CCDC88B: variants seen among roughly 807,000 people sequenced by gnomAD.
The protein encoded by CCDC88B is coiled-coil domain-containing protein 88B.
In CCDC88B, 138 loss-of-function variants were observed where a neutral mutation model predicts 183.7. The ratio of observed to expected loss-of-function variants is 0.75; its 90% CI spans 0.65 to 0.87. The LOEUF is 0.87. CCDC88B is among the 40% of genes least tolerant of loss of function. The pLI is 0.00. For synonymous variants in CCDC88B, 835 were observed against 867.5 expected, an observed-to-expected ratio of 0.96 and a Z score of 0.66; for missense variants, 1,822 against 1,965.6, an observed-to-expected ratio of 0.93 and a Z score of 1.38.
chr11:64,340,773 G>A (rs1213352505), intron 2 of CCDC88B, 21 bp downstream of exon 2: 6 of 1,593,212 alleles, frequency 3.8e-6, no homozygotes, highest in Non-Finnish European at 5.1e-6. Flanking sequence ...TCGGGCCGGG[G>A]CGGTGGCGGG....
rs1269889448 is a variant in CCDC88B at position 64,345,061 on chromosome 11, G to T, written c.2520G>T (p.Glu840Asp). ...REGSRLRAQS[E>D]AAEERMQVLE... ...GGTCCAGGCTGCGGGCCCAGTCGGA[G>T]GCCGCCGAGGAACGGATGCAGGTGC... Residue 840 changes from glutamate (E) to aspartate (D), a missense_variant, in exon 14 of 27, where the codon GAG (glutamate) becomes GAT (aspartate). By Grantham distance (45) the Glu-to-Asp change is conservative. Transcript: ENST00000356786. 1 of 1,549,866 alleles carries T rather than the reference G, an allele frequency of 6.5e-7. No individual in the cohort carries two copies. Among genetic ancestry groups the T allele is most frequent in the Non-Finnish European group, 8.7e-7 (1 of 1,149,944 alleles).
chr11:64,348,441 G>A (rs1221260070), intron 14 of CCDC88B, among the ~76,000 whole-genome samples: 1 of 152,092 alleles, frequency 6.6e-6, no homozygotes, highest in Non-Finnish European at 1.5e-5. Context: ...GGCTGGGCGG[G>A]AGGTTCTATT....
chr11:64,349,239 C>T (rs992908734), intron 14 of CCDC88B, 92 bp from the exon 15 acceptor site: 75 of 1,438,232 alleles, frequency 5.2e-5, no homozygotes, highest in Non-Finnish European at 6.6e-5. Flanking sequence ...GATGGCAGGT[C>T]AAGGACAGAA....
chr11:64,355,439 C>T (rs1009221722), intron 25 of CCDC88B, 39 bp downstream of exon 25: 6 of 1,583,672 alleles, frequency 3.8e-6, no homozygotes, highest in Non-Finnish European at 5.2e-6. Flanking sequence ...AGCCCCCCAA[C>T]TCTTTGTGGA....
At chr11:64,355,437 A>G in intron 25 of CCDC88B, 37 bp downstream of exon 25, 2 of 1,584,458 alleles carry the variant, frequency 1.3e-6, no homozygotes, top group African/African-American at 2.7e-5. Flanking sequence ...CCAGCCCCCC[A>G]ACTCTTTGTG....
intron 15 of CCDC88B, 39 bp from the exon 16 acceptor site, chr11:64,349,512 G>C: frequency 6.3e-7 from 1 of 1,577,842 alleles, no homozygotes; most frequent in South Asian, 1.1e-5. Context: ...GGTGGGGCGA[G>C]GGTGGGGTGG....
chr11:64,340,564 G>T, intron 1 of CCDC88B, 43 bp from the exon 2 acceptor site: 2 of 1,587,522 alleles, frequency 1.3e-6, no homozygotes, highest in South Asian at 1.1e-5. Context: ...AGGGGCTCAG[G>T]GTTCACTCTG....
At chr11:64,340,452 G>A in intron 1 of CCDC88B, 126 bp downstream of exon 1, 1 of 1,337,358 alleles carries the variant, frequency 7.5e-7, no homozygotes, top group Non-Finnish European at 9.9e-7. Flanking sequence ...TCAAATGTGG[G>A]GGATGGAGAT....
intron 26 of CCDC88B, chr11:64,356,148 C>T (rs2135316440): frequency 6.6e-6 from 1 of 151,936 alleles, no homozygotes; most frequent in East Asian, 2.0e-4. Context: ...CCACGCCAGG[C>T]TAATTTTGTA....
In CCDC88B at chr11:64,353,437, G is replaced by A. The variant is rs1435462836; in HGVS notation, c.3774G>A (p.Glu1258=). ...EVQALSRENR[E]LLERSLESRD... ...AGGCCCTGAGCCGGGAGAACAGGGAGCTCCTGGAGCGCAGCCTGGAGAGTC... is the reference window on the plus strand; with the variant it reads ...AGGCCCTGAGCCGGGAGAACAGGGAACTCCTGGAGCGCAGCCTGGAGAGTC... The change falls in exon 22 of 27, where the codon GAG becomes GAA. Residue 1258 remains glutamate, a synonymous_variant. Transcript: ENST00000356786. 12 of 1,613,022 alleles carry A rather than the reference G, an allele frequency of 7.4e-6. No homozygotes were observed. In the Admixed American group the frequency reaches 1.7e-4, roughly 22 times the overall value.
In CCDC88B at chr11:64,357,275, G is replaced by C; in HGVS notation, c.*181G>C. ...GGGCCCGGAGATGGAGCTGGGACGA[G>C]TGTGTGGACAGGGGGGATGGCTGGC... On this transcript the variant is annotated 3_prime_UTR_variant, in exon 27 of 27. Transcript: ENST00000356786. 1 of 770,868 alleles carries C rather than the reference G, an allele frequency of 1.3e-6. No homozygotes were observed. The highest frequency in any genetic ancestry group is 1.4e-5 in the South Asian group (1 of 69,488). 47.8% of individuals were successfully genotyped at this position (770,868 alleles called of 1,614,324 possible). A position where few individuals can be genotyped will look rare whatever the true frequency, so the allele number is the denominator to read the frequency against.
chr11:64,347,259 A>C (rs12283639), intron 14 of CCDC88B, among the ~76,000 whole-genome samples: 3 of 152,244 alleles, frequency 2.0e-5, no homozygotes, highest in Non-Finnish European at 2.9e-5. Context: ...GGCTTTTGCC[A>C]TGGGGGATTG....
At chr11:64,349,865 A>G (rs2036263505) in intron 16 of CCDC88B, 197 bp downstream of exon 16, 2 of 605,258 alleles carry the variant, frequency 3.3e-6, no homozygotes, top group Admixed American at 2.9e-5. Flanking sequence ...CTGGGGTCTC[A>G]TTTTCCCCAT....
rs2035793547 is a variant in CCDC88B at position 64,340,591 on chromosome 11, T to C, written c.61-16T>C. On this transcript the variant is annotated splice_polypyrimidine_tract_variant and intron_variant, in intron 1 of 26. Coordinates refer to ENST00000356786, the MANE Select transcript of CCDC88B (RefSeq NM_032251.6). Reference sequence around the variant, plus strand: ...TTCACTCTGCTGGTCGGCTGACCCCTCTGGGCTCCTCACAGGCGCTGGGAC... The same window carrying C: ...TTCACTCTGCTGGTCGGCTGACCCCCCTGGGCTCCTCACAGGCGCTGGGAC... 6.2e-7 allele frequency: 1 copy of C among 1,604,112 alleles called. No homozygotes were observed. The highest frequency in any genetic ancestry group is 8.5e-7 in the Non-Finnish European group (1 of 1,177,708).
chr11:64,352,132 C>G lies in CCDC88B; in HGVS notation c.3102C>G (p.Ala1034=). 1 of 1,560,322 alleles carries G rather than the reference C, an allele frequency of 6.4e-7. No individual in the cohort carries two copies. Among genetic ancestry groups the G allele is most frequent in the Non-Finnish European group, 8.7e-7 (1 of 1,148,488 alleles). ...CCTGCTTCCCTCCTCCATCCTAGGCCGAGAAGTCTGTGCTGGAGATTCAGG... is the reference window on the plus strand; with the variant it reads ...CCTGCTTCCCTCCTCCATCCTAGGCGGAGAAGTCTGTGCTGGAGATTCAGG... The part of the protein sequence containing the change: ...RAQEHSSRLQ[A]EKSVLEIQGQ... Residue 1034 remains alanine, a splice_region_variant and synonymous_variant, in exon 19 of 27, where the codon GCC becomes GCG. Coordinates refer to ENST00000356786, the MANE Select transcript of CCDC88B (RefSeq NM_032251.6).
intron 14 of CCDC88B, among the ~76,000 whole-genome samples, chr11:64,347,918 C>T (rs1172144476): frequency 6.6e-6 from 1 of 151,992 alleles, no homozygotes; most frequent in Non-Finnish European, 1.5e-5. Context: ...GGTGTGGTGG[C>T]ACGCACCTGT....
At chr11:64,354,811 C>T (rs1840816007) in intron 24 of CCDC88B, among the ~76,000 whole-genome samples, 1 of 108,438 alleles carries the variant, frequency 9.2e-6, no homozygotes, top group African/African-American at 3.8e-5. Context: ...GCCTCAGCCT[C>T]CCCCCCTCCT....
chr11:64,343,281 C>G lies in CCDC88B; in HGVS notation c.1165C>G (p.Arg389Gly), dbSNP rs1299202654. The stretch of plus-strand genomic sequence containing the variant: ...CTGCGCCCGGCTGCACGAGACCCAG[C>G]GCGAGAACCTGCTGCTGCGAACCCG... The part of the protein sequence containing the change: ...ERCARLHETQ[R>G]ENLLLRTRLG... The change falls in exon 11 of 27, where the codon CGC becomes GGC. Residue 389 changes from arginine (R) to glycine (G), a missense_variant. Arg to Gly is a moderately radical substitution (Grantham distance 125, BLOSUM62 -2). Coordinates refer to ENST00000356786, the MANE Select transcript of CCDC88B (RefSeq NM_032251.6). The G allele has an allele frequency of 6.5e-7, 1 of 1,549,854 alleles. No homozygotes were observed. The highest frequency in any genetic ancestry group is 1.4e-5 in the African/African-American group (1 of 73,152).
rs1195231428 is a variant in CCDC88B, at chr11:64,351,589, G to A, written c.3072G>A (p.Arg1024=). Residue 1024 remains arginine, a synonymous_variant, in exon 18 of 27, where the codon CGG becomes CGA. Coordinates refer to ENST00000356786, the MANE Select transcript of CCDC88B (RefSeq NM_032251.6). ...RAQELLLQSQ[R]AQEHSSRLQA... ...AGGAGCTGCTGCTGCAGAGCCAGCG[G>A]GCGCAGGAGCACAGCAGCCGCCTGC... The A allele has an allele frequency of 2.6e-6, 4 of 1,564,540 alleles. No homozygotes were observed. The highest frequency in any genetic ancestry group is 2.7e-5 in the African/African-American group (2 of 74,052).
Sources: gnomAD v4.1 joint callset for allele counts (sites outside exome capture counted in the v4.1 genomes callset) on GRCh38, gnomAD v4.1.1 for gene constraint, MANE v1.5 for transcripts, NCBI Gene and HGNC (gene_info 2026-07-23, HGNC 2026-07-21) for gene names.